The following ATP10D variants were observed in gnomAD, a reference collection of about 807,000 sequenced individuals.
The protein encoded by ATP10D is phospholipid-transporting ATPase VD.
ATP10D carries 89 observed loss-of-function variants against 144.8 expected under a neutral mutation model. The observed-to-expected ratio is 0.61, with a 90% CI of 0.52 to 0.73. The LOEUF is 0.73. ATP10D is among the 30% of genes least tolerant of loss of function. ATP10D has a pLI of 0.00. For missense variants in ATP10D, 1,603 were observed against 1,714.8 expected, an observed-to-expected ratio of 0.93 and a Z score of 1.15; for synonymous variants, 571 against 615.1, an observed-to-expected ratio of 0.93 and a Z score of 1.06.
intron 10 of ATP10D, among the ~76,000 whole-genome samples, chr4:47,553,206 C>T (rs1718814474): frequency 6.6e-6 from 1 of 152,216 alleles, no homozygotes; most frequent in African/African-American, 2.4e-5. Context: ...GTCCTTAAGG[C>T]CAGGGTTGTT....
intron 16 of ATP10D, among the ~76,000 whole-genome samples, chr4:47,570,576 G>A (rs1433315204): frequency 6.6e-6 from 1 of 152,094 alleles, no homozygotes; most frequent in African/African-American, 2.4e-5. Context: ...GGCTGAGGTG[G>A]GTGGATCACT....
At chr4:47,532,299 T>C (rs1210822281) in intron 5 of ATP10D, among the ~76,000 whole-genome samples, 5 of 152,208 alleles carry the variant, frequency 3.3e-5, no homozygotes, top group Admixed American at 3.3e-4. Context: ...ATCCAAATTG[T>C]CACTTTTCCC....
intron 10 of ATP10D, among the ~76,000 whole-genome samples, chr4:47,551,332 C>T (rs2109440756): frequency 6.6e-6 from 1 of 152,272 alleles, no homozygotes; most frequent in East Asian, 1.9e-4. Flanking sequence ...AGATACTAGA[C>T]TCTCACCAGG....
chr4:47,512,583 C>T lies in ATP10D; in HGVS notation c.43C>T (p.Leu15=). The T allele has an allele frequency of 1.2e-6, 2 of 1,614,182 alleles. No homozygotes were observed. Among genetic ancestry groups the T allele is most frequent in the South Asian group, 2.2e-5 (2 of 91,078 alleles). The change falls in exon 2 of 23, where the codon CTG becomes TTG. Residue 15 remains leucine (L), a synonymous_variant. Transcript: ENST00000273859. ...LQWARYHWRR[L]IRGATRDDDS... is the part of the protein sequence containing the mutation. ...ATGGGCCAGATATCACTGGCGACGG[C>T]TGATCAGAGGTGCAACCAGGGATGA...
At chr4:47,541,248 A>C (rs1021477449) in intron 9 of ATP10D, among the ~76,000 whole-genome samples, 3 of 152,224 alleles carry the variant, frequency 2.0e-5, no homozygotes, top group African/African-American at 7.2e-5. Context: ...AAATATTGTT[A>C]AAATAAGAAA....
chr4:47,503,580 A>G (rs1715833832), intron 1 of ATP10D, among the ~76,000 whole-genome samples: 1 of 152,186 alleles, frequency 6.6e-6, no homozygotes, highest in African/African-American at 2.4e-5. Flanking sequence ...CTCCCATGAT[A>G]ATAATCACTA....
At chr4:47,571,704 G>T (rs1271604983) in intron 16 of ATP10D, among the ~76,000 whole-genome samples, 2 of 152,154 alleles carry the variant, frequency 1.3e-5, no homozygotes, top group African/African-American at 4.8e-5. Context: ...ATAGGGTGGT[G>T]CTGAAGCCTT....
intron 22 of ATP10D, 60 bp from the exon 23 acceptor site, chr4:47,590,982 G>GGT: frequency 8.5e-7 from 1 of 1,180,886 alleles, no homozygotes. Flanking sequence ...TATTTGGGGG[G>GGT]GGGGGTTCTG....
At chr4:47,497,573 T>C (rs914480219) in intron 1 of ATP10D, among the ~76,000 whole-genome samples, 1 of 152,200 alleles carries the variant, frequency 6.6e-6, no homozygotes, top group African/African-American at 2.4e-5. Context: ...GATAAGTACC[T>C]ATCTGTAGAA....
At chr4:47,568,219 G>T (rs1291789720) in intron 15 of ATP10D, among the ~76,000 whole-genome samples, 1 of 152,246 alleles carries the variant, frequency 6.6e-6, no homozygotes, top group East Asian at 1.9e-4. Flanking sequence ...TGGCCAGAAT[G>T]CAAGTGCCAT....
chr4:47,496,683 C>CT (rs796210737), intron 1 of ATP10D, among the ~76,000 whole-genome samples: 1 of 151,636 alleles, frequency 6.6e-6, no homozygotes, highest in African/African-American at 2.4e-5. Flanking sequence ...GTCTTAAATT[C>CT]TTTTTTTTAG....
intron 19 of ATP10D, among the ~76,000 whole-genome samples, chr4:47,579,639 TG>T (rs1720411822): frequency 6.6e-6 from 1 of 152,194 alleles, no homozygotes; most frequent in Non-Finnish European, 1.5e-5. Flanking sequence ...TTGGCACATT[TG>T]AGGAAAAGAA....
At chr4:47,569,497 A>G (rs1719832781) in intron 16 of ATP10D, among the ~76,000 whole-genome samples, 1 of 152,244 alleles carries the variant, frequency 6.6e-6, no homozygotes, top group South Asian at 2.1e-4. Flanking sequence ...CAAGGACATG[A>G]GAATTCATTT....
At chr4:47,570,693 G>C (rs986611751) in intron 16 of ATP10D, among the ~76,000 whole-genome samples, 4 of 151,898 alleles carry the variant, frequency 2.6e-5, no homozygotes, top group Non-Finnish European at 4.4e-5. Context: ...AATCCCAGCT[G>C]CTAGGGAAGC....
rs760760650 is a variant in ATP10D, at chr4:47,557,712, A to G, written c.1873A>G (p.Ile625Val). ...GGLPIKSLEE[I>V]KSLFQRWSVR... ...GTTGCCCATTAAGTCTTTGGAAGAG[A>G]TTAAAAGTCTTTTCCAGAGATGGTC... The change falls in exon 12 of 23, where the codon ATT (isoleucine) becomes GTT (valine). Residue 625 changes from isoleucine to valine, a missense_variant. Coordinates refer to ENST00000273859, the MANE Select transcript of ATP10D (RefSeq NM_020453.4). 6.2e-7 allele frequency: 1 copy of G among 1,614,158 alleles called. No homozygotes were observed. Among genetic ancestry groups the G allele is most frequent in the Non-Finnish European group, 8.5e-7 (1 of 1,179,998 alleles).
At chr4:47,543,121 C>T (rs186768774) in intron 9 of ATP10D, among the ~76,000 whole-genome samples, 1 of 152,176 alleles carries the variant, frequency 6.6e-6, no homozygotes. Flanking sequence ...ATAAGTTTTA[C>T]TACAGTATAT....
chr4:47,567,974 A>C (rs1001764022), intron 15 of ATP10D, among the ~76,000 whole-genome samples: 1 of 152,222 alleles, frequency 6.6e-6, no homozygotes, highest in African/African-American at 2.4e-5. Context: ...CTGGATTTGG[A>C]ATTTGTTCTT....
At chr4:47,563,034 TG>T (rs1334188747) in intron 14 of ATP10D, among the ~76,000 whole-genome samples, 3 of 152,102 alleles carry the variant, frequency 2.0e-5, no homozygotes, top group African/African-American at 7.2e-5. Context: ...CACATGGACA[TG>T]GAAAATGAAA....
chr4:47,548,457 C>G (rs1342334374), intron 10 of ATP10D, among the ~76,000 whole-genome samples: 1 of 152,166 alleles, frequency 6.6e-6, no homozygotes, highest in Non-Finnish European at 1.5e-5. Context: ...ATCCACATGG[C>G]ATTGGTCTTA....
Sources: gnomAD v4.1 joint callset for allele counts (sites outside exome capture counted in the v4.1 genomes callset) on GRCh38, gnomAD v4.1.1 for gene constraint, MANE v1.5 for transcripts, NCBI Gene and HGNC (gene_info 2026-07-23, HGNC 2026-07-21) for gene names.